CCDC180: variants seen among roughly 807,000 people sequenced by gnomAD.
CCDC180 encodes coiled-coil domain-containing protein 180.
A neutral mutation model predicts 209.2 loss-of-function variants in CCDC180; 154 were observed. The observed-to-expected ratio is 0.74, with a 90% CI of 0.65 to 0.84. CCDC180 has a LOEUF of 0.84. Among genes scored for constraint, CCDC180 ranks in the 40% least tolerant of loss-of-function variants. CCDC180 has a pLI of 0.00. For missense variants in CCDC180, 1,874 were observed against 1,997.3 expected (o/e 0.94, Z 1.18); for synonymous variants, 778 against 749.1 (o/e 1.04, Z -0.63).
In CCDC180 at chr9:97,320,109, T is replaced by C. The variant is rs2118598526; in HGVS notation, c.1080-17T>C. 6.2e-7 allele frequency: 1 copy of C among 1,611,080 alleles called. No homozygotes were observed. The highest frequency in any genetic ancestry group is 8.5e-7 in the Non-Finnish European group (1 of 1,177,232). ...GTTTGTTCCTGTGTGGCTTACTTGC[T>C]GTATCTTCCTTCCCAGTGACCTCCT... is the stretch of plus-strand genomic sequence containing the variant. On this transcript the variant is annotated splice_polypyrimidine_tract_variant and intron_variant, in intron 10 of 36. Coordinates refer to ENST00000529487, the MANE Select transcript of CCDC180 (RefSeq NM_020893.6).
At chr9:97,314,969 G>A (rs749871595) in intron 8 of CCDC180, 23 bp downstream of exon 8, 2 of 1,591,876 alleles carry the variant, frequency 1.3e-6, no homozygotes, top group Non-Finnish European at 1.7e-6. Flanking sequence ...CCTGTGCAGG[G>A]ATCAGCCCAT....
In CCDC180 at chr9:97,365,740, G is replaced by A. The variant is rs770294339; in HGVS notation, c.4047+1G>A. On this transcript the variant is annotated splice_donor_variant, in intron 30 of 36. Coordinates refer to ENST00000529487, the MANE Select transcript of CCDC180 (RefSeq NM_020893.6). LOFTEE classifies it high-confidence loss of function. ...TGAGAACCTGCTGACAGTCGCAGAG[G>A]TGAGGACCACCACCCATGGCCTGTG... 1 of 1,613,854 alleles carries A rather than the reference G, an allele frequency of 6.2e-7. No homozygotes were observed. Among genetic ancestry groups the A allele is most frequent in the Non-Finnish European group, 8.5e-7 (1 of 1,179,912 alleles).
rs1244312927 is a variant in CCDC180 at position 97,330,668 on chromosome 9, G to C, written c.2175G>C (p.Glu725Asp). Residue 725 changes from glutamate (E) to aspartate (D), a missense_variant, in exon 18 of 37, where the codon GAG becomes GAC. Transcript: ENST00000529487. ...GAGAAAAGAAGGAGGAGTCAGAGGA[G>C]GAAGATGAGAAGGAGGAAGAGGAGG... Reference protein sequence around the residue: ...GQGEKKEESEEEDEKEEEEEE... With the variant: ...GQGEKKEESEDEDEKEEEEEE... 6.3e-7 allele frequency: 1 copy of C among 1,593,430 alleles called. No individual in the cohort carries two copies. The highest frequency in any genetic ancestry group is 8.5e-7 in the Non-Finnish European group (1 of 1,175,410).
intron 16 of CCDC180, among the ~76,000 whole-genome samples, chr9:97,329,045 G>A (rs1008478429): frequency 6.6e-6 from 1 of 152,120 alleles, no homozygotes; most frequent in Non-Finnish European, 1.5e-5. Flanking sequence ...AATACTCATG[G>A]TTGCCACTGA....
In CCDC180 at chr9:97,317,243, C is replaced by A; in HGVS notation, c.959+15C>A. On this transcript the variant is annotated intron_variant, in intron 9 of 36. Transcript: ENST00000529487. The stretch of plus-strand genomic sequence containing the variant: ...CAGAGTTTCAGGTCAGTGCCGCCCA[C>A]ACAGCTCCTTCTCCAGCCCACCAGG... 1 of 1,544,038 alleles carries A rather than the reference C, an allele frequency of 6.5e-7. No individual in the cohort carries two copies. Among genetic ancestry groups the A allele is most frequent in the East Asian group, 2.4e-5 (1 of 42,334 alleles).
chr9:97,324,878 T>G (rs1833477262), intron 13 of CCDC180, 141 bp from the exon 14 acceptor site: 1 of 713,562 alleles, frequency 1.4e-6, no homozygotes, highest in South Asian at 2.1e-5. Context: ...AGCACAGGTG[T>G]GGCCTAGAAG....
At chr9:97,350,108 C>T (rs1192434644) in intron 21 of CCDC180, among the ~76,000 whole-genome samples, 3 of 152,050 alleles carry the variant, frequency 2.0e-5, no homozygotes, top group Non-Finnish European at 4.4e-5. Flanking sequence ...CTTGTGGAGC[C>T]CAAATAGACT....
rs1827184338 is a variant in CCDC180 at position 97,374,400 on chromosome 9, C to G, written c.4601-143C>G. On this transcript the variant is annotated intron_variant, in intron 34 of 36. Transcript: ENST00000529487. ...TGTGTGGCTGGTGCATTCAGCTTCT[C>G]CATGGAGAGGGCTCAGCCTGCCATA... 12 of 634,160 alleles carry G rather than the reference C, an allele frequency of 1.9e-5. No homozygotes were observed. The South Asian group carries it at 2.3e-4, about 12-fold the overall frequency. 39.3% of individuals were successfully genotyped at this position (634,160 alleles called of 1,614,324 possible).
At chr9:97,318,630 T>G (rs759252726) in intron 10 of CCDC180, 48 bp downstream of exon 10, 83 of 1,599,330 alleles carry the variant, frequency 5.2e-5, no homozygotes, top group Non-Finnish European at 6.7e-5. Context: ...TGGGGTGCAG[T>G]GAGGGAGGCA....
Position 97,377,003 on chromosome 9 carries a change from C to A in CCDC180, c.*109C>A. 7.7e-7 allele frequency: 1 copy of A among 1,301,328 alleles called. No homozygotes were observed. Among genetic ancestry groups the A allele is most frequent in the Non-Finnish European group, 1.0e-6 (1 of 953,742 alleles). 80.6% of individuals were successfully genotyped at this position (1,301,328 alleles called of 1,614,324 possible). On this transcript the variant is annotated 3_prime_UTR_variant, in exon 37 of 37. Transcript: ENST00000529487. ...CCTCCCTCCCTTCATCCCTCCACCC[C>A]TGCTCTGTGCCGGGCACTGTAGCTT...
In CCDC180 at chr9:97,366,918, A is replaced by G. The variant is rs1587834189; in HGVS notation, c.4189+218A>G. Among the ~76,000 whole-genome samples, 1 of 152,238 alleles carries G rather than the reference A, an allele frequency of 6.6e-6. No homozygotes were observed. Among genetic ancestry groups the G allele is most frequent in the Admixed American group, 6.5e-5 (1 of 15,290 alleles). On this transcript the variant is annotated intron_variant, in intron 31 of 36. Coordinates refer to ENST00000529487, the MANE Select transcript of CCDC180 (RefSeq NM_020893.6). This position sits in a 1 kb window ranked among gnomAD's most constrained non-coding sequence, Gnocchi z 4.3. ...AAAAAGTTCACTTTTCTTGAGAAATATGGTGATTTGTACCTCTAAAAATAT... is the reference window on the plus strand; with the variant it reads ...AAAAAGTTCACTTTTCTTGAGAAATGTGGTGATTTGTACCTCTAAAAATAT...
intron 4 of CCDC180, among the ~76,000 whole-genome samples, chr9:97,312,869 A>T (rs992484809): frequency 1.3e-5 from 2 of 152,084 alleles, no homozygotes; most frequent in Admixed American, 1.3e-4. Context: ...CGAGGCTAGG[A>T]ATGGAAGCCA....
At chr9:97,359,785 C>T (rs1826696685) in intron 25 of CCDC180, among the ~76,000 whole-genome samples, 197 bp from the exon 26 acceptor site, 1 of 152,110 alleles carries the variant, frequency 6.6e-6, no homozygotes, top group South Asian at 2.1e-4. Flanking sequence ...TTGTCCTTCA[C>T]TGTGAAGTGA....
At chr9:97,337,061 G>A (rs181893599) in intron 18 of CCDC180, among the ~76,000 whole-genome samples, 17 of 152,298 alleles carry the variant, frequency 1.1e-4, no homozygotes, top group African/African-American at 4.1e-4. Flanking sequence ...AGGAGATTTT[G>A]GACTGAGACA....
chr9:97,349,006 C>G, intron 20 of CCDC180, 105 bp from the exon 21 acceptor site: 6 of 1,076,228 alleles, frequency 5.6e-6, no homozygotes, highest in Non-Finnish European at 6.5e-6. Flanking sequence ...TGTTCCTGTT[C>G]TGCAGCTGGC....
At chr9:97,373,080 T>C (rs1172340845) in intron 34 of CCDC180, 2 of 152,200 alleles carry the variant, frequency 1.3e-5, no homozygotes, top group East Asian at 3.9e-4. Context: ...TACTCACATC[T>C]GTTTAAATGA....
chr9:97,356,983 G>A (rs918709045), intron 24 of CCDC180, among the ~76,000 whole-genome samples: 1 of 152,150 alleles, frequency 6.6e-6, no homozygotes. Flanking sequence ...TAAATATTCT[G>A]CAAAGACACT....
At chr9:97,320,357 C>T in intron 11 of CCDC180, 152 bp downstream of exon 11, 1 of 705,546 alleles carries the variant, frequency 1.4e-6, no homozygotes, top group Admixed American at 2.3e-5. Flanking sequence ...CTCAAAAGGC[C>T]CCCCTCCCTT....
chr9:97,309,279 C>T, intron 2 of CCDC180, 135 bp from the exon 3 acceptor site: 1 of 735,054 alleles, frequency 1.4e-6, no homozygotes, highest in Non-Finnish European at 2.2e-6. Context: ...TGACCTGGGG[C>T]TGAAGGCCTC....
Sources: gnomAD v4.1 joint callset for allele counts (sites outside exome capture counted in the v4.1 genomes callset) on GRCh38, gnomAD v4.1.1 for gene constraint, Gnocchi (gnomAD v3.1) non-coding constraint, MANE v1.5 for transcripts, NCBI Gene and HGNC (gene_info 2026-07-23, HGNC 2026-07-21) for gene names.